The following GSE1 variants were observed in gnomAD, a reference collection of about 807,000 sequenced individuals.
GSE1 encodes the protein genetic suppressor element 1.
In GSE1, 32 loss-of-function variants were observed where a neutral mutation model predicts 112.6. The ratio of observed to expected loss-of-function variants is 0.28; its 90% confidence interval spans 0.21 to 0.38. The LOEUF is 0.38. Among genes scored for constraint, GSE1 ranks in the 10% least tolerant of loss-of-function variants. The pLI is 1.00. For synonymous variants in GSE1, 1,115 were observed against 735.6 expected (o/e 1.52, Z -8.35); for missense variants, 2,348 against 1,699.2 (o/e 1.38, Z -6.71).
chr16:85,643,068 C>T (rs1168930862), intron 2 of GSE1, among the ~76,000 whole-genome samples: 2 of 152,152 alleles, frequency 1.3e-5, no homozygotes, highest in Non-Finnish European at 2.9e-5. Flanking sequence ...TGCTGTGGCG[C>T]TGCGGTCCTG....
rs959175606 is a variant in GSE1 at position 85,277,421 on chromosome 16, C to T, written c.2284-80042C>T. On this transcript the variant is annotated intron_variant, in intron 1 of 2. Transcript: ENST00000637419. ...TGAAAGGCGGAAGAGGCTGAGCTGC[C>T]GGTCTGGTGGGGCCTGTCCCTTGGG... Among the ~76,000 whole-genome samples, 6 of 152,166 alleles carry T rather than the reference C, an allele frequency of 3.9e-5. No individual in the cohort carries two copies. The East Asian group carries it at 5.8e-4, about 15-fold the overall frequency.
intron 2 of GSE1, among the ~76,000 whole-genome samples, chr16:85,515,259 G>A (rs908357972): frequency 2.6e-5 from 4 of 152,178 alleles, no homozygotes; most frequent in African/African-American, 9.7e-5. Flanking sequence ...CCGTCCTCAG[G>A]GTCCTGCACT....
upstream of GSE1, chr16:85,555,718 T>G: frequency 1.1e-6 from 1 of 932,262 alleles, no homozygotes; most frequent in Non-Finnish European, 1.2e-6. Context: ...CGTGAAACCC[T>G]GTTGGAAACA....
At chr16:85,303,425 A>G (rs978045051) in intron 1 of GSE1, among the ~76,000 whole-genome samples, 1 of 152,138 alleles carries the variant, frequency 6.6e-6, no homozygotes, top group Non-Finnish European at 1.5e-5. Flanking sequence ...GGTGCCGCGC[A>G]TCCCCTCCTC....
In GSE1 at chr16:85,617,604, C is replaced by G. The variant is rs1012701766; in HGVS notation, c.7+4206C>G. Among the ~76,000 whole-genome samples the G allele has an allele frequency of 4.9e-5, 5 of 101,206 alleles. No individual in the cohort carries two copies. In the South Asian group the frequency reaches 1.7e-3, roughly 34 times the overall value. The allele number at this position is 101,206 out of a possible 152,430, so 66.4% of individuals were successfully genotyped here. On this transcript the variant is annotated intron_variant, in intron 1 of 15. Transcript: ENST00000253458. Reference sequence around the variant, plus strand: ...CATCCGTGTGTCAACCCTCCCCCCCCCCCCCCCGTTAACTGCCACGTGCAG... The same window carrying G: ...CATCCGTGTGTCAACCCTCCCCCCCGCCCCCCCGTTAACTGCCACGTGCAG...
intron 1 of GSE1, among the ~76,000 whole-genome samples, chr16:85,319,011 G>A (rs11859571): frequency 0.03 from 4,599 of 152,308 alleles, 235 homozygotes; most frequent in African/African-American, 0.11. Flanking sequence ...GGTGTCTGGT[G>A]TCCTTTGGAA....
Position 85,666,111 on chromosome 16 carries a change from A to C in GSE1, c.2894A>C (p.Glu965Ala). Residue 965 changes from glutamate (E) to alanine (A), a missense_variant, in exon 13 of 16, where the codon GAG becomes GCG. Coordinates refer to ENST00000253458, the MANE Select transcript of GSE1 (RefSeq NM_014615.5). The part of the protein sequence containing the change: ...VRPQELSRVQ[E>A]LAPASGEKAR... ...CCCCAGGAGCTGTCGAGAGTCCAGG[A>C]GCTAGCTCCTGCCAGCGGGGAGAAG... is the stretch of plus-strand genomic sequence containing the variant. 6.2e-7 allele frequency: 1 copy of C among 1,613,270 alleles called. No homozygotes were observed. The highest frequency in any genetic ancestry group is 1.7e-5 in the Admixed American group (1 of 59,982).
chr16:85,268,389 G>A (rs1908481752), intron 1 of GSE1, among the ~76,000 whole-genome samples: 3 of 152,146 alleles, frequency 2.0e-5, no homozygotes, highest in Admixed American at 2.0e-4. Flanking sequence ...GAGCCCCCCA[G>A]TGATCCCCTC....
At chr16:85,464,072 G>C (rs745895909) in intron 2 of GSE1, among the ~76,000 whole-genome samples, 2 of 152,090 alleles carry the variant, frequency 1.3e-5, no homozygotes, top group African/African-American at 2.4e-5. Context: ...GGCCAGCAGC[G>C]GGGGGACGAC....
chr16:85,414,533 C>T (rs1003944309), intron 2 of GSE1, among the ~76,000 whole-genome samples: 4 of 152,356 alleles, frequency 2.6e-5, no homozygotes, highest in East Asian at 1.9e-4. Context: ...CCAACACCCA[C>T]GCTCAGAAAC....
chr16:85,545,258 C>T (rs2044657101), intron 2 of GSE1, among the ~76,000 whole-genome samples: 1 of 152,216 alleles, frequency 6.6e-6, no homozygotes, highest in Non-Finnish European at 1.5e-5. Flanking sequence ...GAAGGAAGGC[C>T]TTTTGTCATA....
chr16:85,176,765 T>A (rs904442686), intron 1 of GSE1, among the ~76,000 whole-genome samples: 15 of 152,208 alleles, frequency 9.9e-5, no homozygotes, highest in Admixed American at 9.2e-4. Context: ...GCAACCACCT[T>A]TCTTCTCTGC....
At chr16:85,616,152 C>T (rs1191214694) in intron 1 of GSE1, among the ~76,000 whole-genome samples, 1 of 152,228 alleles carries the variant, frequency 6.6e-6, no homozygotes, top group African/African-American at 2.4e-5. Flanking sequence ...GGGTCCTGCA[C>T]CTCTGAGCTA....
chr16:85,377,501 G>A (rs2047446580), intron 2 of GSE1, among the ~76,000 whole-genome samples: 1 of 152,236 alleles, frequency 6.6e-6, no homozygotes, highest in Admixed American at 6.5e-5. Flanking sequence ...TGCCTTAGCT[G>A]TCTATCTGAA....
At chr16:85,444,064 G>A (rs1431236035) in intron 2 of GSE1, among the ~76,000 whole-genome samples, 6 of 137,128 alleles carry the variant, frequency 4.4e-5, no homozygotes, top group Admixed American at 8.2e-5. Context: ...GGCTCACTGC[G>A]ACCTCCGCCT....
chr16:85,551,190 C>T (rs1009808662), upstream of GSE1, among the ~76,000 whole-genome samples: 3 of 152,200 alleles, frequency 2.0e-5, no homozygotes, highest in Non-Finnish European at 4.4e-5. Context: ...GGGATGGGGA[C>T]AGAGAGCATT....
intron 1 of GSE1, among the ~76,000 whole-genome samples, chr16:85,356,465 C>A (rs1456959888): frequency 6.6e-6 from 1 of 152,218 alleles, no homozygotes; most frequent in Admixed American, 6.5e-5. Flanking sequence ...TCTGTGCTCC[C>A]TTTGACTCCC....
At chr16:85,641,690 C>T (rs1435311528) in intron 2 of GSE1, among the ~76,000 whole-genome samples, 2 of 152,256 alleles carry the variant, frequency 1.3e-5, no homozygotes, top group African/African-American at 2.4e-5. Flanking sequence ...CTTCCAGACC[C>T]GCACCATTCC....
chr16:85,210,190 C>T (rs1597806811), intron 1 of GSE1, among the ~76,000 whole-genome samples: 1 of 152,174 alleles, frequency 6.6e-6, no homozygotes, highest in Non-Finnish European at 1.5e-5. Context: ...ACACTGGCTA[C>T]TTTGACCCAG....
Sources: gnomAD v4.1 joint callset for allele counts (sites outside exome capture counted in the v4.1 genomes callset) on GRCh38, gnomAD v4.1.1 for gene constraint, MANE v1.5 for transcripts, NCBI Gene and HGNC (gene_info 2026-07-23, HGNC 2026-07-21) for gene names.